The following DLG2 variants were observed in gnomAD, a reference collection of about 807,000 sequenced individuals.
The protein encoded by DLG2 is discs large MAGUK scaffold protein 2.
A neutral mutation model predicts 132.5 loss-of-function variants in DLG2; 45 were observed. That is an observed-to-expected ratio of 0.34 (90% CI 0.27 to 0.44). The LOEUF (loss-of-function observed/expected upper bound fraction) is 0.44, where lower values mean the gene tolerates loss of function less well. DLG2 is among the 20% of genes least tolerant of loss of function. The probability of loss-of-function intolerance (pLI) is 1.00; values close to 1 mark genes in which losing one functional copy is unlikely to be tolerated. For synonymous variants in DLG2, 424 were observed against 419.6 expected (o/e 1.01, Z -0.13); for missense variants, 1,045 against 1,196.9 (o/e 0.87, Z 1.87).
intron 6 of DLG2, among the ~76,000 whole-genome samples, chr11:85,079,918 C>T (rs918109744): frequency 3.9e-5 from 6 of 152,056 alleles, no homozygotes; most frequent in African/African-American, 7.2e-5. Context: ...ACATGAGCCA[C>T]CACACCTGGC....
intron 22 of DLG2, among the ~76,000 whole-genome samples, chr11:83,478,557 C>T (rs2092813505): frequency 6.6e-6 from 1 of 151,926 alleles, no homozygotes; most frequent in African/African-American, 2.4e-5. Flanking sequence ...AAGTCTTGGG[C>T]CAGTTTTTAT....
intron 3 of DLG2, among the ~76,000 whole-genome samples, chr11:85,568,770 C>T (rs1363371983): frequency 2.0e-5 from 3 of 151,994 alleles, no homozygotes; most frequent in Non-Finnish European, 4.4e-5. Flanking sequence ...CACTTTCAAT[C>T]CTGATTTTAG....
intron 3 of DLG2, among the ~76,000 whole-genome samples, chr11:85,298,087 G>A (rs2079355939): frequency 1.3e-5 from 2 of 152,068 alleles, no homozygotes; most frequent in African/African-American, 4.8e-5. Context: ...GGTGAGGAGG[G>A]TATCTGTGCT....
chr11:84,270,093 A>G (rs2097700265), intron 7 of DLG2, among the ~76,000 whole-genome samples: 1 of 152,218 alleles, frequency 6.6e-6, no homozygotes, highest in East Asian at 1.9e-4. Flanking sequence ...TTTTATAAGC[A>G]TATCTACTCA....
chr11:83,590,739 G>A (rs1055040890), intron 19 of DLG2, among the ~76,000 whole-genome samples: 28 of 151,938 alleles, frequency 1.8e-4, no homozygotes, highest in Non-Finnish European at 2.4e-4. Flanking sequence ...TTGATAGACC[G>A]CTAGCAAGAC....
chr11:84,703,869 T>TATATAC (rs1428195765), intron 6 of DLG2, among the ~76,000 whole-genome samples: 1 of 121,660 alleles, frequency 8.2e-6, no homozygotes, highest in African/African-American at 4.2e-5. Flanking sequence ...TATATATATA[T>TATATAC]ATATATATAT....
At chr11:84,740,696 C>T (rs1449216057) in intron 6 of DLG2, among the ~76,000 whole-genome samples, 1 of 152,186 alleles carries the variant, frequency 6.6e-6, no homozygotes, top group Non-Finnish European at 1.5e-5. Flanking sequence ...TCAACTGTGA[C>T]TGTCATTTTG....
intron 3 of DLG2, among the ~76,000 whole-genome samples, chr11:85,464,600 G>A (rs2092721076): frequency 6.6e-6 from 1 of 152,032 alleles, no homozygotes; most frequent in Admixed American, 6.6e-5. Flanking sequence ...TTATCTATAG[G>A]AACAATTGGA....
chr11:84,622,253 T>G (rs1181608429), intron 6 of DLG2, among the ~76,000 whole-genome samples: 1 of 152,154 alleles, frequency 6.6e-6, no homozygotes, highest in Non-Finnish European at 1.5e-5. Context: ...CCTGAATAAC[T>G]TTTTTCCTCA....
At chr11:84,520,536 A>G (rs1343605469) in intron 7 of DLG2, among the ~76,000 whole-genome samples, 1 of 152,190 alleles carries the variant, frequency 6.6e-6, no homozygotes, top group Non-Finnish European at 1.5e-5. Flanking sequence ...GAAGTCCCAC[A>G]TACTGACAAC....
chr11:83,978,949 AT>A, intron 12 of DLG2, among the ~76,000 whole-genome samples: 1 of 152,294 alleles, frequency 6.6e-6, no homozygotes, highest in African/African-American at 2.4e-5. Context: ...TTTGTCCATT[AT>A]TAAACATATG....
At chr11:85,211,333 T>A (rs981782511) in intron 4 of DLG2, among the ~76,000 whole-genome samples, 1 of 152,176 alleles carries the variant, frequency 6.6e-6, no homozygotes, top group African/African-American at 2.4e-5. Context: ...AAGGATTTAT[T>A]AAAAGTATTC....
At chr11:85,471,330 A>T (rs906366440) in intron 3 of DLG2, among the ~76,000 whole-genome samples, 15 of 152,314 alleles carry the variant, frequency 9.8e-5, no homozygotes, top group African/African-American at 3.6e-4. Flanking sequence ...TAAAATCTAA[A>T]CTCACAAAAC....
chr11:85,319,827 C>T (rs1177129721), intron 3 of DLG2, among the ~76,000 whole-genome samples: 2 of 151,740 alleles, frequency 1.3e-5, no homozygotes, highest in African/African-American at 4.8e-5. Flanking sequence ...ATGACCTTCT[C>T]AATTGCAACT....
chr11:83,459,852 G>T lies in DLG2; in HGVS notation c.2894C>A (p.Pro965His), dbSNP rs1427561665. ...TTCCTTTGAGGGAATCCAGATGAAAGGCCCAGATTGCTCTTCAATAACAAG... is the reference window on the plus strand; with the variant it reads ...TTCCTTTGAGGGAATCCAGATGAAATGCCCAGATTGCTCTTCAATAACAAG... ...CKLVIEEQSG[P>H]FIWIPSKEKL Residue 965 changes from proline to histidine, a missense_variant, in exon 28 of 28, where the codon CCT becomes CAT. Coordinates refer to ENST00000376104, the MANE Select transcript of DLG2 (RefSeq NM_001142699.3). 1 of 1,611,424 alleles carries T rather than the reference G, an allele frequency of 6.2e-7. No homozygotes were observed. Among genetic ancestry groups the T allele is most frequent in the Non-Finnish European group, 8.5e-7 (1 of 1,177,596 alleles).
At chr11:84,649,450 T>C (rs2099678872) in intron 6 of DLG2, among the ~76,000 whole-genome samples, 1 of 152,156 alleles carries the variant, frequency 6.6e-6, no homozygotes, top group African/African-American at 2.4e-5. Context: ...AGAAAGGCTG[T>C]GTAATGAATA....
chr11:83,823,269 A>G (rs2051382203), intron 17 of DLG2, among the ~76,000 whole-genome samples: 1 of 152,138 alleles, frequency 6.6e-6, no homozygotes, highest in Non-Finnish European at 1.5e-5. Flanking sequence ...TTTATCTGTG[A>G]TCAGCTGTTA....
intron 3 of DLG2, chr11:85,452,298 A>G (rs1426404821): frequency 6.6e-6 from 1 of 152,058 alleles, no homozygotes; most frequent in African/African-American, 2.4e-5. Context: ...CTTAATGGCC[A>G]CCACTTCCTT....
intron 19 of DLG2, among the ~76,000 whole-genome samples, chr11:83,554,818 A>G (rs2096483059): frequency 2.0e-5 from 3 of 152,170 alleles, no homozygotes; most frequent in Admixed American, 2.0e-4. Flanking sequence ...AAAATAGTCA[A>G]TACAGTGTAA....
Sources: allele counts gnomAD v4.1 joint callset (sites outside exome capture counted in the v4.1 genomes callset), GRCh38; gene constraint gnomAD v4.1.1; transcripts MANE v1.5; gene names NCBI Gene and HGNC (gene_info 2026-07-23, HGNC 2026-07-21).